ANKS1B: variants seen among roughly 807,000 people sequenced by gnomAD.
The protein encoded by ANKS1B is ankyrin repeat and sterile alpha motif domain-containing protein 1B.
In ANKS1B, 36 loss-of-function variants were observed where a neutral mutation model predicts 148.3. The ratio of observed to expected loss-of-function variants is 0.24; its 90% CI spans 0.19 to 0.32. The LOEUF is 0.32. Ranked by LOEUF, ANKS1B falls within the 10% of genes least tolerant of loss-of-function variation. The probability of loss-of-function intolerance (pLI) is 1.00; values close to 1 mark genes in which losing one functional copy is unlikely to be tolerated. For missense variants in ANKS1B, 1,157 were observed against 1,542.6 expected, an observed-to-expected ratio of 0.75 and a Z score of 4.19; for synonymous variants, 542 against 560.8, an observed-to-expected ratio of 0.97 and a Z score of 0.47.
intron 1 of ANKS1B, among the ~76,000 whole-genome samples, chr12:99,952,761 TC>T (rs1379903687): frequency 6.6e-6 from 1 of 152,220 alleles, no homozygotes; most frequent in East Asian, 1.9e-4. Context: ...TATAGGGACT[TC>T]AGAAAATTAA....
chr12:99,089,533 C>T lies in ANKS1B; in HGVS notation c.2527-4510G>A, dbSNP rs537514021. Among the ~76,000 whole-genome samples the T allele has an allele frequency of 8.8e-4, 134 of 152,324 alleles. 1 individual carries two copies. The highest frequency in any genetic ancestry group is 3.1e-3 in the African/African-American group (129 of 41,570). On this transcript the variant is annotated intron_variant, in intron 15 of 26. Coordinates refer to ENST00000683438, the MANE Select transcript of ANKS1B (RefSeq NM_001352186.2). ...TTGTAGCAAGTTCCATTAGACAGTG[C>T]TACTCTACAGTTAGAGACATTGAAA...
At chr12:99,313,448 G>A (rs143652776) in intron 12 of ANKS1B, among the ~76,000 whole-genome samples, 2,197 of 152,044 alleles carry the variant, frequency 0.014, 25 homozygotes, top group Non-Finnish European at 0.021. Context: ...ACCAAAACCG[G>A]GCAGAGACAC....
At chr12:99,094,774 A>G (rs1474138805) in intron 15 of ANKS1B, among the ~76,000 whole-genome samples, 1 of 152,222 alleles carries the variant, frequency 6.6e-6, no homozygotes, top group African/African-American at 2.4e-5. Context: ...GAAATAAGAC[A>G]ATACAGAGAC....
At chr12:99,263,858 CT>C (rs929941372) in intron 12 of ANKS1B, among the ~76,000 whole-genome samples, 1 of 152,156 alleles carries the variant, frequency 6.6e-6, no homozygotes, top group Non-Finnish European at 1.5e-5. Context: ...AACTAAACCT[CT>C]TTTCTTTATA....
chr12:99,164,246 G>T (rs2076981332), intron 14 of ANKS1B, among the ~76,000 whole-genome samples: 3 of 152,010 alleles, frequency 2.0e-5, no homozygotes, highest in African/African-American at 7.2e-5. Context: ...TAAAAAATGA[G>T]CATTTAAAAA....
At chr12:99,706,008 T>A (rs1032946947) in intron 8 of ANKS1B, among the ~76,000 whole-genome samples, 1 of 152,128 alleles carries the variant, frequency 6.6e-6, no homozygotes, top group Non-Finnish European at 1.5e-5. Flanking sequence ...AGCCTATGGA[T>A]CAGTAACATT....
intron 1 of ANKS1B, among the ~76,000 whole-genome samples, chr12:99,928,526 C>T (rs1370717032): frequency 2.6e-5 from 4 of 152,042 alleles, no homozygotes; most frequent in Non-Finnish European, 4.4e-5. Flanking sequence ...GATCCACCCG[C>T]CTCGGCCTCC....
chr12:99,807,102 G>A (rs932871880), intron 3 of ANKS1B, among the ~76,000 whole-genome samples: 1 of 152,110 alleles, frequency 6.6e-6, no homozygotes, highest in African/African-American at 2.4e-5. Flanking sequence ...CTTTCCAAAA[G>A]ACAGATAAGA....
At chr12:99,629,864 C>A (rs1431354856) in intron 9 of ANKS1B, among the ~76,000 whole-genome samples, 1 of 151,976 alleles carries the variant, frequency 6.6e-6, no homozygotes, top group Non-Finnish European at 1.5e-5. Flanking sequence ...GGTATAAGTT[C>A]CCTCTTTTAC....
intron 9 of ANKS1B, among the ~76,000 whole-genome samples, chr12:99,620,673 G>T (rs1567495679): frequency 6.6e-6 from 1 of 152,170 alleles, no homozygotes; most frequent in East Asian, 1.9e-4. Flanking sequence ...CCTGAAGACT[G>T]GTCTTTTGCA....
At chr12:99,619,626 A>G (rs1435260871) in intron 9 of ANKS1B, among the ~76,000 whole-genome samples, 1 of 151,456 alleles carries the variant, frequency 6.6e-6, no homozygotes, top group Non-Finnish European at 1.5e-5. Flanking sequence ...GCAGACTGAC[A>G]TGTTCTGTGC....
rs1263156545 is a variant in ANKS1B, at chr12:99,105,965, T to C, written c.2527-20942A>G. On this transcript the variant is annotated intron_variant, in intron 15 of 26. Coordinates refer to ENST00000683438, the MANE Select transcript of ANKS1B (RefSeq NM_001352186.2). Reference sequence around the variant, plus strand: ...GCTGATTCAGGTCAAGACCCAATTTTGAAGCTGGTCTCCAACAAGAAGAGT... The same window carrying C: ...GCTGATTCAGGTCAAGACCCAATTTCGAAGCTGGTCTCCAACAAGAAGAGT... Among the ~76,000 whole-genome samples, 4 of 152,104 alleles carry C rather than the reference T, an allele frequency of 2.6e-5. No individual in the cohort carries two copies. In the East Asian group the frequency reaches 7.7e-4, roughly 29 times the overall value.
intron 9 of ANKS1B, among the ~76,000 whole-genome samples, chr12:99,575,075 C>A (rs2097502629): frequency 6.6e-6 from 1 of 152,120 alleles, no homozygotes; most frequent in Admixed American, 6.5e-5. Flanking sequence ...AAATTTGCAA[C>A]ATACAAGGTC....
chr12:99,703,942 C>T (rs963306213), intron 8 of ANKS1B, among the ~76,000 whole-genome samples: 1 of 151,968 alleles, frequency 6.6e-6, no homozygotes, highest in Admixed American at 6.6e-5. Flanking sequence ...GAATAATAGC[C>T]AGTATATCTG....
chr12:99,698,569 G>T (rs1452775051), intron 8 of ANKS1B, among the ~76,000 whole-genome samples: 1 of 150,386 alleles, frequency 6.6e-6, no homozygotes, highest in African/African-American at 2.4e-5. Flanking sequence ...CATGACTTAA[G>T]AAAAAAAAAT....
chr12:99,646,812 C>T (rs991784918), intron 9 of ANKS1B, among the ~76,000 whole-genome samples: 6 of 150,872 alleles, frequency 4.0e-5, no homozygotes, highest in Non-Finnish European at 3.0e-5. Flanking sequence ...TAGCAAAATT[C>T]TTTACAGCTT....
chr12:99,342,465 G>A (rs568420654), intron 12 of ANKS1B, among the ~76,000 whole-genome samples: 1 of 152,148 alleles, frequency 6.6e-6, no homozygotes, highest in South Asian at 2.1e-4. Flanking sequence ...CCTGCGATAA[G>A]TCTAAAGAGG....
intron 17 of ANKS1B, among the ~76,000 whole-genome samples, chr12:98,959,745 G>C (rs1568025141): frequency 6.6e-6 from 1 of 152,168 alleles, no homozygotes; most frequent in Admixed American, 6.5e-5. Flanking sequence ...CCAGAACGGA[G>C]CCCATTGCCC....
chr12:99,469,606 T>C (rs2096203559), intron 10 of ANKS1B, among the ~76,000 whole-genome samples: 1 of 152,114 alleles, frequency 6.6e-6, no homozygotes, highest in Non-Finnish European at 1.5e-5. Flanking sequence ...AGTCAGAGTA[T>C]TACGGACAAA....
Sources: gnomAD v4.1 joint callset for allele counts (sites outside exome capture counted in the v4.1 genomes callset) on GRCh38, gnomAD v4.1.1 for gene constraint, MANE v1.5 for transcripts, NCBI Gene and HGNC (gene_info 2026-07-23, HGNC 2026-07-21) for gene names.